Variants in FRY observed in about 807,000 individuals in gnomAD.
The protein encoded by FRY is FRY microtubule binding protein.
A neutral mutation model predicts 348.4 loss-of-function variants in FRY; 128 were observed. The observed-to-expected ratio is 0.37, with a 90% CI of 0.32 to 0.43. The LOEUF (loss-of-function observed/expected upper bound fraction) is 0.43. FRY is among the 20% of genes least tolerant of loss of function. The pLI is 1.00. For synonymous variants in FRY, 1,370 were observed against 1,374.7 expected (o/e 1.00, Z 0.08); for missense variants, 2,736 against 3,695.2 (o/e 0.74, Z 6.73).
chr13:32,296,829 T>C lies in FRY; in HGVS notation c.*1369T>C, dbSNP rs2072070589. 6.6e-6 allele frequency: 1 copy of C among 152,180 alleles called. No individual in the cohort carries two copies. The highest frequency in any genetic ancestry group is 2.4e-5 in the African/African-American group (1 of 41,450). 9.4% of individuals were successfully genotyped at this position (152,180 alleles called of 1,614,324 possible). A position where few individuals can be genotyped will look rare whatever the true frequency, so the allele number is the denominator to read the frequency against. Reference sequence around the variant, plus strand: ...GAGGTAAGTATTATCTCTTTGGAAGTTGGCATCAAAACTGTGAGCTTCAAC... The same window carrying C: ...GAGGTAAGTATTATCTCTTTGGAAGCTGGCATCAAAACTGTGAGCTTCAAC... On this transcript the variant is annotated 3_prime_UTR_variant, in exon 61 of 61. Transcript: ENST00000542859.
intron 2 of FRY, among the ~76,000 whole-genome samples, chr13:32,092,415 A>G (rs1195836054): frequency 6.6e-6 from 1 of 152,216 alleles, no homozygotes; most frequent in Non-Finnish European, 1.5e-5. Flanking sequence ...ATATGAAAAG[A>G]TTGTGAAGTG....
chr13:32,149,907 G>C (rs2138142910), intron 14 of FRY, 73 bp downstream of exon 14: 2 of 904,802 alleles, frequency 2.2e-6, no homozygotes, highest in Non-Finnish European at 3.7e-6. Flanking sequence ...TGCGGCTTTG[G>C]AGAATGGGAT....
chr13:32,078,708 A>G (rs754596994), intron 1 of FRY, 126 bp from the exon 2 acceptor site: 41 of 792,878 alleles, frequency 5.2e-5, no homozygotes, highest in Non-Finnish European at 9.0e-5. Flanking sequence ...GAATAAGGCC[A>G]GGTTATAATA....
intron 3 of FRY, among the ~76,000 whole-genome samples, chr13:32,105,870 C>G (rs1190874550): frequency 6.6e-6 from 1 of 151,892 alleles, no homozygotes; most frequent in African/African-American, 2.4e-5. Context: ...ACTGACTAAT[C>G]CTGAATGGCC....
At chr13:32,279,387 C>T (rs1342422521) in intron 58 of FRY, among the ~76,000 whole-genome samples, 5 of 152,200 alleles carry the variant, frequency 3.3e-5, no homozygotes, top group Admixed American at 3.3e-4. Flanking sequence ...CCAAGGAGAG[C>T]CCATGTGGCT....
intron 1 of FRY, among the ~76,000 whole-genome samples, chr13:32,042,550 C>T (rs1872798599): frequency 7.0e-6 from 1 of 142,188 alleles, no homozygotes; most frequent in South Asian, 2.1e-4. Context: ...TGGGAGGTTC[C>T]AGGTGGGCTT....
intron 40 of FRY, among the ~76,000 whole-genome samples, chr13:32,229,398 G>A (rs1885786899): frequency 6.6e-6 from 1 of 152,118 alleles, no homozygotes; most frequent in South Asian, 2.1e-4. Flanking sequence ...ATGTGATCTT[G>A]CTTTCTTCAG....
intron 3 of FRY, among the ~76,000 whole-genome samples, chr13:32,103,825 G>A (rs1017195500): frequency 3.3e-5 from 5 of 152,088 alleles, no homozygotes; most frequent in African/African-American, 1.2e-4. Flanking sequence ...GAATTAGCCA[G>A]GCATAGTGGC....
chr13:32,240,456 C>A (rs1356330634), intron 46 of FRY, among the ~76,000 whole-genome samples: 1 of 152,176 alleles, frequency 6.6e-6, no homozygotes, highest in Non-Finnish European at 1.5e-5. Flanking sequence ...TCAAAGCATA[C>A]ATTCTGAAAT....
rs774259263 is a variant in FRY at position 32,186,427 on chromosome 13, G to T, written c.3480+7G>T. The T allele has an allele frequency of 1.1e-5, 18 of 1,568,078 alleles. No homozygotes were observed. Among genetic ancestry groups the T allele is most frequent in the Non-Finnish European group, 1.4e-5 (16 of 1,138,124 alleles). On this transcript the variant is annotated splice_region_variant and intron_variant, in intron 27 of 60. Coordinates refer to ENST00000542859, the MANE Select transcript of FRY (RefSeq NM_023037.3). Reference sequence around the variant, plus strand: ...TCAGTATTGTGCATTAAAAGTAGGTGATATTGTACTCACGAATGACTGAGT... The same window carrying T: ...TCAGTATTGTGCATTAAAAGTAGGTTATATTGTACTCACGAATGACTGAGT...
In FRY at chr13:32,218,878, A is replaced by T. The variant is rs1484410034; in HGVS notation, c.4765+47A>T. 6.6e-6 allele frequency: 7 copies of T among 1,055,372 alleles called. No individual in the cohort carries two copies. In the Admixed American group the frequency reaches 6.8e-5, roughly 10 times the overall value. 65.4% of individuals were successfully genotyped at this position (1,055,372 alleles called of 1,614,324 possible). On this transcript the variant is annotated intron_variant, in intron 36 of 60. Transcript: ENST00000542859. ...GCTTTCAGACGGAACGCAAGTGGTCAGAGGATGGAAAATGAGTGTTCTGAT... is the reference window on the plus strand; with the variant it reads ...GCTTTCAGACGGAACGCAAGTGGTCTGAGGATGGAAAATGAGTGTTCTGAT...
chr13:32,274,166 C>T lies in FRY; in HGVS notation c.8137-676C>T, dbSNP rs138767252. ...TAACATAAACATTCATTCTGCTCCC[C>T]TCCCCCATTACCCTAAGGACCCATT... is the stretch of plus-strand genomic sequence containing the variant. On this transcript the variant is annotated intron_variant, in intron 55 of 60. Coordinates refer to ENST00000542859, the MANE Select transcript of FRY (RefSeq NM_023037.3). Among the ~76,000 whole-genome samples the T allele has an allele frequency of 1.9e-3, 284 of 152,238 alleles. 2 individuals carry two copies. The highest frequency in any genetic ancestry group is 6.4e-3 in the African/African-American group (264 of 41,546).
At chr13:32,080,199 C>T (rs1381626747) in intron 2 of FRY, among the ~76,000 whole-genome samples, 2 of 152,144 alleles carry the variant, frequency 1.3e-5, no homozygotes, top group African/African-American at 2.4e-5. Flanking sequence ...GGAAATGTTT[C>T]TTGCTTTTAC....
chr13:32,044,759 A>C (rs74044324), intron 1 of FRY, among the ~76,000 whole-genome samples: 1,561 of 152,308 alleles, frequency 0.01, 32 homozygotes, highest in African/African-American at 0.036. Context: ...TCCTGGAAAT[A>C]AGAGAAATGC....
At chr13:32,231,677 A>AT (rs374279381) in intron 41 of FRY, among the ~76,000 whole-genome samples, 25 of 151,970 alleles carry the variant, frequency 1.6e-4, no homozygotes, top group African/African-American at 4.8e-4. Context: ...TGGTCAAACA[A>AT]TTTTTTTTTA....
At chr13:32,103,939 G>C (rs1046359511) in intron 3 of FRY, among the ~76,000 whole-genome samples, 2 of 151,648 alleles carry the variant, frequency 1.3e-5, no homozygotes, top group African/African-American at 4.8e-5. Flanking sequence ...CTCAAACCTG[G>C]GTAACAGTGA....
At chr13:32,197,209 T>G (rs1315493293) in intron 29 of FRY, among the ~76,000 whole-genome samples, 1 of 152,216 alleles carries the variant, frequency 6.6e-6, no homozygotes, top group African/African-American at 2.4e-5. Flanking sequence ...TTATTTTCGG[T>G]GGTGGTTTTT....
intron 58 of FRY, among the ~76,000 whole-genome samples, chr13:32,286,672 G>A (rs915911355): frequency 5.6e-5 from 8 of 142,726 alleles, no homozygotes; most frequent in African/African-American, 1.8e-4. Flanking sequence ...GTGTGAACCC[G>A]GGAGGTGGAG....
chr13:32,124,203 G>A lies in FRY; in HGVS notation c.465-83G>A, dbSNP rs1280008692. The A allele has an allele frequency of 3.6e-6, 3 of 830,608 alleles. No homozygotes were observed. The Admixed American group carries it at 5.7e-5, about 16-fold the overall frequency. The allele number at this position is 830,608 out of a possible 1,614,324, so 51.5% of individuals were successfully genotyped here. ...AAAATGGGTTTTGCAGTCTATTAGGGAGGAGTCCTAGATTTTTTATGAATT... is the reference window on the plus strand; with the variant it reads ...AAAATGGGTTTTGCAGTCTATTAGGAAGGAGTCCTAGATTTTTTATGAATT... On this transcript the variant is annotated intron_variant, in intron 4 of 60. Coordinates refer to ENST00000542859, the MANE Select transcript of FRY (RefSeq NM_023037.3).
Sources: allele counts gnomAD v4.1 joint callset (sites outside exome capture counted in the v4.1 genomes callset), GRCh38; gene constraint gnomAD v4.1.1; transcripts MANE v1.5; gene names NCBI Gene and HGNC (gene_info 2026-07-23, HGNC 2026-07-21).